The following TRAK1 variants were observed in gnomAD, a reference collection of about 807,000 sequenced individuals.
TRAK1 encodes trafficking kinesin-binding protein 1.
Under a neutral mutation model 92.1 loss-of-function variants are expected in TRAK1, and 33 were observed. The observed-to-expected ratio is 0.36, with a 90% CI of 0.27 to 0.48. The LOEUF (loss-of-function observed/expected upper bound fraction) is 0.48, where lower values mean the gene tolerates loss of function less well. Among genes scored for constraint, TRAK1 ranks in the 20% least tolerant of loss-of-function variants. TRAK1 has a pLI of 0.99. For synonymous variants in TRAK1, 521 were observed against 517.3 expected, an observed-to-expected ratio of 1.01 and a Z score of -0.10; for missense variants, 1,123 against 1,257.9, an observed-to-expected ratio of 0.89 and a Z score of 1.62.
intron 2 of TRAK1, among the ~76,000 whole-genome samples, chr3:42,171,192 T>C (rs536078403): frequency 1.3e-5 from 2 of 152,248 alleles, no homozygotes; most frequent in South Asian, 2.1e-4. Context: ...GGTTTTTCTT[T>C]TTATATGTAC....
chr3:42,022,417 GTAGT>G (rs1315032674), intron 1 of TRAK1, among the ~76,000 whole-genome samples: 5 of 152,296 alleles, frequency 3.3e-5, no homozygotes, highest in East Asian at 1.9e-4. Context: ...AGATAGGAAA[GTAGT>G]TAGTCTTGTT....
At chr3:42,058,772 C>G (rs150609551) in intron 1 of TRAK1, among the ~76,000 whole-genome samples, 1 of 152,320 alleles carries the variant, frequency 6.6e-6, no homozygotes, top group African/African-American at 2.4e-5. Flanking sequence ...CTCCCACCCC[C>G]ACACACAACA....
chr3:42,188,442 G>A (rs1192793594), intron 5 of TRAK1, among the ~76,000 whole-genome samples: 1 of 152,232 alleles, frequency 6.6e-6, no homozygotes, highest in Non-Finnish European at 1.5e-5. Flanking sequence ...CTGTTGGAGA[G>A]TATTCAGGGT....
intron 1 of TRAK1, among the ~76,000 whole-genome samples, chr3:42,043,897 C>CT (rs1041107845): frequency 1.1e-4 from 17 of 151,452 alleles, no homozygotes; most frequent in South Asian, 4.2e-4. Flanking sequence ...AGGAAGCCAC[C>CT]TTTTTTTTTA....
At chr3:42,191,738 G>T (rs73828599) in intron 7 of TRAK1, 102 bp downstream of exon 7, 2 of 1,276,256 alleles carry the variant, frequency 1.6e-6, no homozygotes, top group Non-Finnish European at 1.1e-6. Context: ...GCCAGCCTAC[G>T]GCTCAGCAGC....
At chr3:42,166,944 G>A (rs1049198287) in intron 2 of TRAK1, among the ~76,000 whole-genome samples, 5 of 152,232 alleles carry the variant, frequency 3.3e-5, no homozygotes, top group East Asian at 3.9e-4. Context: ...CTACTGTTCC[G>A]GCCACAAGGC....
chr3:42,153,040 A>G (rs1700121053), intron 2 of TRAK1, among the ~76,000 whole-genome samples: 1 of 152,196 alleles, frequency 6.6e-6, no homozygotes, highest in African/African-American at 2.4e-5. Flanking sequence ...GAGCCAGGTC[A>G]GTGTTTAATT....
intron 1 of TRAK1, among the ~76,000 whole-genome samples, chr3:42,038,726 T>G (rs966653373): frequency 6.8e-6 from 1 of 147,534 alleles, no homozygotes; most frequent in Non-Finnish European, 1.5e-5. Flanking sequence ...AGGCAGAGGT[T>G]GCAGTGAGGT....
At chr3:42,181,903 A>G (rs977245937) in intron 3 of TRAK1, among the ~76,000 whole-genome samples, 1 of 151,726 alleles carries the variant, frequency 6.6e-6, no homozygotes, top group African/African-American at 2.4e-5. Context: ...TAGGTACCTA[A>G]TAAGCACAGC....
At chr3:42,103,438 G>C (rs1438036054) in intron 1 of TRAK1, among the ~76,000 whole-genome samples, 5 of 152,090 alleles carry the variant, frequency 3.3e-5, no homozygotes, top group African/African-American at 1.2e-4. Context: ...GTCTCCCAAA[G>C]TGCTGGGATT....
rs1701503109 is a variant in TRAK1, at chr3:42,015,867, T to C, written c.-519+1750T>C. Among the ~76,000 whole-genome samples, 4 of 151,920 alleles carry C rather than the reference T, an allele frequency of 2.6e-5. No individual in the cohort carries two copies. The South Asian group carries it at 8.3e-4, about 32-fold the overall frequency. Reference sequence around the variant, plus strand: ...GCCTGGCCAACATGGTGAAACCCCGTCTCTACTAAAAATACAAAAATTAGC... The same window carrying C: ...GCCTGGCCAACATGGTGAAACCCCGCCTCTACTAAAAATACAAAAATTAGC... On this transcript the variant is annotated intron_variant, in intron 1 of 16. Transcript: ENST00000487159.
intron 2 of TRAK1, among the ~76,000 whole-genome samples, chr3:42,137,706 A>C (rs1454631436): frequency 6.6e-6 from 1 of 152,194 alleles, no homozygotes; most frequent in Non-Finnish European, 1.5e-5. Context: ...AGTAGTTGAT[A>C]TCTCTGTGTG....
chr3:42,025,521 T>TGAAA (rs1251973370), intron 1 of TRAK1, among the ~76,000 whole-genome samples: 16 of 152,290 alleles, frequency 1.1e-4, no homozygotes, highest in African/African-American at 3.8e-4. Flanking sequence ...TTGCCTTTCA[T>TGAAA]GTTAAGAATG....
intron 11 of TRAK1, among the ~76,000 whole-genome samples, chr3:42,199,974 A>G (rs1707289050): frequency 6.6e-6 from 1 of 152,200 alleles, no homozygotes; most frequent in African/African-American, 2.4e-5. Context: ...ATTTTGTGCA[A>G]GGCTTCCATC....
At chr3:42,095,106 C>T (rs909190566) in intron 1 of TRAK1, among the ~76,000 whole-genome samples, 2 of 152,216 alleles carry the variant, frequency 1.3e-5, no homozygotes, top group Non-Finnish European at 2.9e-5. Context: ...TCTGGCCACC[C>T]CATGGCCCAG....
At chr3:42,158,455 G>A (rs543500222) in intron 2 of TRAK1, among the ~76,000 whole-genome samples, 5 of 152,158 alleles carry the variant, frequency 3.3e-5, no homozygotes, top group African/African-American at 9.6e-5. Context: ...AATTGAATTA[G>A]TCTAATCCGA....
At chr3:42,055,629 ATTT>A (rs555802901) in intron 1 of TRAK1, among the ~76,000 whole-genome samples, 16 of 152,090 alleles carry the variant, frequency 1.1e-4, no homozygotes, top group African/African-American at 3.9e-4. Context: ...TGCTCTGCTA[ATTT>A]TTTAATTTTT....
chr3:42,034,458 A>G (rs72867924), intron 1 of TRAK1, among the ~76,000 whole-genome samples: 15,639 of 151,876 alleles, frequency 0.1, 2,755 homozygotes, highest in African/African-American at 0.36. Context: ...ACACCTGGCT[A>G]ATTTTTGTAT....
intron 1 of TRAK1, among the ~76,000 whole-genome samples, chr3:42,038,803 GT>G (rs35147167): frequency 8.0e-4 from 77 of 96,762 alleles, no homozygotes; most frequent in East Asian, 1.1e-3. Flanking sequence ...AAAAAAAAAA[GT>G]TTTTTTTTTT....
Sources: allele counts gnomAD v4.1 joint callset (sites outside exome capture counted in the v4.1 genomes callset), GRCh38; gene constraint gnomAD v4.1.1; transcripts MANE v1.5; gene names NCBI Gene and HGNC (gene_info 2026-07-23, HGNC 2026-07-21).